The following SLC5A1 variants were observed in gnomAD, a reference collection of about 807,000 sequenced individuals.
The protein encoded by SLC5A1 is solute carrier family 5 member 1.
SLC5A1 carries 42 observed loss-of-function variants against 73.5 expected under a neutral mutation model. That is an observed-to-expected ratio of 0.57 (90% CI 0.45 to 0.74). The LOEUF (loss-of-function observed/expected upper bound fraction) is 0.74. SLC5A1 is among the 30% of genes least tolerant of loss of function. The pLI, the probability that SLC5A1 is intolerant of heterozygous loss-of-function variation, is 0.00. For synonymous variants in SLC5A1, 300 were observed against 317.4 expected (o/e 0.95, Z 0.58); for missense variants, 634 against 855.4 (o/e 0.74, Z 3.23).
At chr22:32,060,082 CAT>C (rs1213538424) in intron 2 of SLC5A1, among the ~76,000 whole-genome samples, 8 of 145,918 alleles carry the variant, frequency 5.5e-5, no homozygotes, top group Non-Finnish European at 9.0e-5. Context: ...TATATACACA[CAT>C]GTATACACAC....
intron 7 of SLC5A1, 46 bp from the exon 8 acceptor site, chr22:32,084,393 G>A: frequency 6.5e-7 from 1 of 1,530,262 alleles, no homozygotes; most frequent in Non-Finnish European, 9.1e-7. Context: ...CTGCTATGAC[G>A]AGTTGAAGGT....
rs1236087389 is a variant in SLC5A1 at position 32,111,589 on chromosome 22, C to T, written c.*1376C>T. On this transcript the variant is annotated 3_prime_UTR_variant, in exon 15 of 15. Transcript: ENST00000266088. ...GTAAACGGAAGCAGTTATTGTGCAG[C>T]AAAAGGAAAAAGAATTACAAACTGA... is the stretch of plus-strand genomic sequence containing the variant. 6.6e-6 allele frequency: 1 copy of T among 152,114 alleles called. No individual in the cohort carries two copies. The highest frequency in any genetic ancestry group is 2.4e-5 in the African/African-American group (1 of 41,386). The allele number at this position is 152,114 out of a possible 1,614,324, so 9.4% of individuals were successfully genotyped here. A position where few individuals can be genotyped will look rare whatever the true frequency, so the allele number is the denominator to read the frequency against.
At chr22:32,079,417 C>T (rs1372176443) in intron 5 of SLC5A1, among the ~76,000 whole-genome samples, 1 of 152,176 alleles carries the variant, frequency 6.6e-6, no homozygotes. Flanking sequence ...AATAGAATAT[C>T]ATAAAAACAA....
At chr22:32,086,888 T>G (rs968898173) in intron 10 of SLC5A1, among the ~76,000 whole-genome samples, 1 of 152,054 alleles carries the variant, frequency 6.6e-6, no homozygotes, top group African/African-American at 2.4e-5. Context: ...ATAAAGAAAA[T>G]GTAATATACA....
chr22:32,068,793 T>C (rs1387692354), intron 5 of SLC5A1, among the ~76,000 whole-genome samples, 193 bp downstream of exon 5: 1 of 151,998 alleles, frequency 6.6e-6, no homozygotes, highest in Non-Finnish European at 1.5e-5. Flanking sequence ...TGTCCTCCAC[T>C]GTGGTGCAGG....
At chr22:32,049,093 T>TAAATAAATAA (rs372514908) in intron 1 of SLC5A1, among the ~76,000 whole-genome samples, 8 of 117,810 alleles carry the variant, frequency 6.8e-5, no homozygotes, top group African/African-American at 2.4e-4. Context: ...AATAAATAAA[T>TAAATAAATAA]ATATATATAT....
intron 9 of SLC5A1, among the ~76,000 whole-genome samples, chr22:32,085,671 C>A (rs1360665370): frequency 1.4e-5 from 2 of 144,864 alleles, no homozygotes; most frequent in Admixed American, 7.4e-5. Flanking sequence ...CTGAATGTTT[C>A]TTTGATTTCT....
At chr22:32,107,457 C>A (rs1260200648) in intron 14 of SLC5A1, among the ~76,000 whole-genome samples, 2 of 152,190 alleles carry the variant, frequency 1.3e-5, no homozygotes, top group Admixed American at 6.5e-5. Context: ...ATCATCAATT[C>A]TCTTCCTAAT....
intron 10 of SLC5A1, among the ~76,000 whole-genome samples, chr22:32,091,231 T>C (rs987452103): frequency 3.9e-5 from 6 of 151,956 alleles, no homozygotes; most frequent in African/African-American, 1.5e-4. Context: ...TCTCTTTCTG[T>C]TATATCATAA....
chr22:32,086,076 G>A, intron 9 of SLC5A1, 144 bp from the exon 10 acceptor site: 1 of 655,324 alleles, frequency 1.5e-6, no homozygotes, highest in South Asian at 1.4e-5. Context: ...GGGAGGCAGA[G>A]CTTGCAGTGA....
intron 5 of SLC5A1, among the ~76,000 whole-genome samples, chr22:32,075,176 T>TG (rs2149490033): frequency 6.6e-6 from 1 of 151,230 alleles, no homozygotes; most frequent in East Asian, 1.9e-4. Flanking sequence ...CCTCCCAAAG[T>TG]GCTGGGATTA....
At chr22:32,052,209 G>A (rs575222020) in intron 2 of SLC5A1, among the ~76,000 whole-genome samples, 36 of 152,184 alleles carry the variant, frequency 2.4e-4, no homozygotes, top group African/African-American at 8.2e-4. Flanking sequence ...AATTTATGAG[G>A]CCAATTGGTG....
At chr22:32,051,720 CAACAACAACAA>C (rs1189692806) in intron 2 of SLC5A1, among the ~76,000 whole-genome samples, 2 of 152,072 alleles carry the variant, frequency 1.3e-5, no homozygotes, top group African/African-American at 2.4e-5. Flanking sequence ...ATCCCAAACC[CAACAACAACAA>C]AACAACAACA....
At chr22:32,075,831 A>G (rs1440292051) in intron 5 of SLC5A1, among the ~76,000 whole-genome samples, 1 of 152,186 alleles carries the variant, frequency 6.6e-6, no homozygotes, top group Non-Finnish European at 1.5e-5. Context: ...TAGGTTCAAC[A>G]TGGGTCACAG....
rs2149481673 is a variant in SLC5A1, at chr22:32,043,395, A to G, written c.114A>G (p.Val38=). ...DISIIVIYFV[V]VMAVGLWAMF... ...CCATCATCGTTATCTACTTCGTGGT[A>G]GTGATGGCCGTCGGACTGTGGGTAT... is the stretch of plus-strand genomic sequence containing the variant. Residue 38 remains valine, a synonymous_variant, in exon 1 of 15, where the codon GTA becomes GTG. Transcript: ENST00000266088. The surrounding 1 kb of genome is among the most constrained non-coding windows in gnomAD (Gnocchi z 6.5). The G allele has an allele frequency of 6.2e-7, 1 of 1,614,048 alleles. No individual in the cohort carries two copies. The highest frequency in any genetic ancestry group is 8.5e-7 in the Non-Finnish European group (1 of 1,179,976).
chr22:32,045,142 C>T (rs929369732), intron 1 of SLC5A1, among the ~76,000 whole-genome samples: 2 of 152,192 alleles, frequency 1.3e-5, no homozygotes, highest in Non-Finnish European at 1.5e-5. Flanking sequence ...CCTCCTTCCA[C>T]CCCACCCCAG....
At chr22:32,088,336 C>CT (rs5844962) in intron 10 of SLC5A1, among the ~76,000 whole-genome samples, 23,477 of 134,710 alleles carry the variant, frequency 0.17, 2,288 homozygotes, top group Non-Finnish European at 0.22. Flanking sequence ...TACTGCATTC[C>CT]TTTTTTTTTT....
intron 10 of SLC5A1, among the ~76,000 whole-genome samples, chr22:32,088,043 A>G (rs1409168804): frequency 6.6e-6 from 1 of 152,218 alleles, no homozygotes; most frequent in African/African-American, 2.4e-5. Context: ...TAAAAATGGG[A>G]ATAATACTTA....
At chr22:32,091,284 AACACACATACACAAACACACACACACAC>A (rs2094016799) in intron 10 of SLC5A1, among the ~76,000 whole-genome samples, 2 of 135,374 alleles carry the variant, frequency 1.5e-5, no homozygotes. Context: ...CTCAGATGGA[AACACACATACACAAACACACACACACAC>A]ACACACACAC....
Sources: allele counts gnomAD v4.1 joint callset (sites outside exome capture counted in the v4.1 genomes callset), GRCh38; gene constraint gnomAD v4.1.1; non-coding constraint Gnocchi (gnomAD v3.1); transcripts MANE v1.5; gene names NCBI Gene and HGNC (gene_info 2026-07-23, HGNC 2026-07-21).